The following IMMP2L variants were observed in gnomAD, a reference collection of about 807,000 sequenced individuals.
The protein encoded by IMMP2L is inner mitochondrial membrane peptidase subunit 2, also known as mitochondrial inner membrane protease subunit 2.
A neutral mutation model predicts 19.3 loss-of-function variants in IMMP2L; 18 were observed. The observed-to-expected ratio is 0.93, with a 90% CI of 0.64 to 1.38. IMMP2L has a LOEUF of 1.38. Ranked by LOEUF, IMMP2L falls within the 40% of genes most tolerant of loss-of-function variation. IMMP2L has a pLI of 0.00. For synonymous variants in IMMP2L, 76 were observed against 73.0 expected (o/e 1.04, Z -0.21); for missense variants, 233 against 218.2 (o/e 1.07, Z -0.43).
At chr7:111,062,325 A>C (rs879378786) in intron 3 of IMMP2L, among the ~76,000 whole-genome samples, 3 of 152,170 alleles carry the variant, frequency 2.0e-5, no homozygotes, top group Admixed American at 1.3e-4. Flanking sequence ...AGTCTCATTC[A>C]TTATCATGAG....
At chr7:110,945,200 C>T (rs1436867982) in intron 4 of IMMP2L, among the ~76,000 whole-genome samples, 1 of 151,896 alleles carries the variant, frequency 6.6e-6, no homozygotes, top group Non-Finnish European at 1.5e-5. Context: ...GGGGCCGCAT[C>T]TGCAGGGCTC....
At chr7:111,032,287 T>C (rs180932540) in intron 3 of IMMP2L, among the ~76,000 whole-genome samples, 360 of 152,144 alleles carry the variant, frequency 2.4e-3, no homozygotes, top group Middle Eastern at 6.8e-3. Flanking sequence ...ATCAATAGAA[T>C]AGAATGGAGA....
At chr7:111,314,854 TA>T (rs2130360792) in intron 3 of IMMP2L, among the ~76,000 whole-genome samples, 1 of 152,240 alleles carries the variant, frequency 6.6e-6, no homozygotes, top group African/African-American at 2.4e-5. Flanking sequence ...ATTGCAAGGG[TA>T]GTAAAAATGT....
At chr7:111,320,908 C>A (rs977150026) in intron 3 of IMMP2L, among the ~76,000 whole-genome samples, 1 of 151,962 alleles carries the variant, frequency 6.6e-6, no homozygotes, top group African/African-American at 2.4e-5. Flanking sequence ...GCAACTTATT[C>A]ATATTTGTAT....
intron 3 of IMMP2L, among the ~76,000 whole-genome samples, chr7:111,212,792 A>G (rs1811470934): frequency 6.6e-6 from 1 of 152,218 alleles, no homozygotes; most frequent in Non-Finnish European, 1.5e-5. Context: ...GTAAAGGATA[A>G]TAACATGTTA....
intron 3 of IMMP2L, among the ~76,000 whole-genome samples, chr7:111,379,752 T>C (rs1831020902): frequency 6.6e-6 from 1 of 151,950 alleles, no homozygotes; most frequent in Non-Finnish European, 1.5e-5. Flanking sequence ...TGTAACTGCC[T>C]ACTATTTGCT....
intron 3 of IMMP2L, among the ~76,000 whole-genome samples, chr7:110,978,941 T>G (rs910187712): frequency 6.6e-6 from 1 of 152,050 alleles, no homozygotes; most frequent in African/African-American, 2.4e-5. Flanking sequence ...TTTAAAACAT[T>G]AGAAACATAT....
intron 5 of IMMP2L, among the ~76,000 whole-genome samples, chr7:110,843,511 C>A (rs955359499): frequency 4.6e-5 from 7 of 152,036 alleles, no homozygotes; most frequent in African/African-American, 1.7e-4. Flanking sequence ...TTGGATAAAG[C>A]TTGTCACTTA....
intron 3 of IMMP2L, among the ~76,000 whole-genome samples, chr7:111,350,248 G>A (rs1190163576): frequency 6.6e-6 from 1 of 151,864 alleles, no homozygotes; most frequent in Non-Finnish European, 1.5e-5. Flanking sequence ...TTATAGGCGT[G>A]AGCCACCACA....
intron 3 of IMMP2L, among the ~76,000 whole-genome samples, chr7:111,273,661 G>A (rs1037168428): frequency 2.0e-5 from 3 of 152,044 alleles, no homozygotes; most frequent in Non-Finnish European, 4.4e-5. Context: ...AACACTTCCC[G>A]AGGGAGCAAG....
At chr7:111,200,397 T>G (rs1041374307) in intron 3 of IMMP2L, among the ~76,000 whole-genome samples, 10 of 152,244 alleles carry the variant, frequency 6.6e-5, no homozygotes, top group African/African-American at 2.4e-4. Context: ...TATAAAATTT[T>G]CAAACATATT....
chr7:110,890,883 T>C (rs975406073), intron 4 of IMMP2L, among the ~76,000 whole-genome samples: 1 of 152,128 alleles, frequency 6.6e-6, no homozygotes. Context: ...ATCTTTTGAG[T>C]GTCATCGGGT....
At chr7:111,284,850 G>A (rs932505281) in intron 3 of IMMP2L, among the ~76,000 whole-genome samples, 8 of 152,232 alleles carry the variant, frequency 5.3e-5, no homozygotes, top group African/African-American at 1.4e-4. Context: ...GCAAATACAG[G>A]AAAACACACT....
intron 1 of IMMP2L, among the ~76,000 whole-genome samples, chr7:111,524,268 A>C (rs150701344): frequency 0.011 from 1,611 of 152,158 alleles, 34 homozygotes; most frequent in African/African-American, 0.036. Context: ...TAAATAAATA[A>C]ATAAATCCAA....
At chr7:111,159,873 C>CT (rs1163046763) in intron 3 of IMMP2L, among the ~76,000 whole-genome samples, 3 of 151,992 alleles carry the variant, frequency 2.0e-5, no homozygotes, top group East Asian at 1.9e-4. Context: ...ATCTTACATT[C>CT]TTTTTTTTAT....
Position 110,877,999 on chromosome 7 carries a change from G to A in IMMP2L, c.408+8594C>T, listed in dbSNP as rs1462075040. On this transcript the variant is annotated intron_variant, in intron 5 of 5. Coordinates refer to ENST00000405709, the MANE Select transcript of IMMP2L (RefSeq NM_032549.4). The surrounding 1 kb of genome is among the most constrained non-coding windows in gnomAD (Gnocchi z 4.0). Reference sequence around the variant, plus strand: ...CACAGGCAGGATTTCAGCCATCTAAGCACTTAGCTTAGAAGTGCCTAGAAG... The same window carrying A: ...CACAGGCAGGATTTCAGCCATCTAAACACTTAGCTTAGAAGTGCCTAGAAG... Among the ~76,000 whole-genome samples, 9 of 152,114 alleles carry A rather than the reference G, an allele frequency of 5.9e-5. No homozygotes were observed. The highest frequency in any genetic ancestry group is 4.4e-5 in the Non-Finnish European group (3 of 68,024).
Position 111,521,427 on chromosome 7 carries a change from C to T in IMMP2L, c.21G>A (p.Trp7Ter). 1 of 1,612,244 alleles carries T rather than the reference C, an allele frequency of 6.2e-7. No homozygotes were observed. The highest frequency in any genetic ancestry group is 8.5e-7 in the Non-Finnish European group (1 of 1,178,958). MAQSQG[W>*]VKRYIKAFCK... ...AAAAGGCCTTGATGTATCTTTTCAC[C>T]CACCCTTGTGACTGTGCCATACCTA... The change falls in exon 2 of 6, where the codon TGG becomes TGA. Residue 7 changes from tryptophan (W) to a stop codon, truncating the protein, a stop_gained. Coordinates refer to ENST00000405709, the MANE Select transcript of IMMP2L (RefSeq NM_032549.4). LOFTEE classifies it high-confidence loss of function.
chr7:111,111,915 T>C (rs1298047465), intron 3 of IMMP2L, among the ~76,000 whole-genome samples: 7 of 146,546 alleles, frequency 4.8e-5, no homozygotes, highest in Non-Finnish European at 1.0e-4. Context: ...TATTTATATA[T>C]TTTATTTATA....
chr7:111,229,651 A>G (rs1481966294), intron 3 of IMMP2L, among the ~76,000 whole-genome samples: 3 of 151,956 alleles, frequency 2.0e-5, no homozygotes, highest in Non-Finnish European at 2.9e-5. Context: ...ACAATGGATA[A>G]AATTAGATTT....
Sources: gnomAD v4.1 joint callset for allele counts (sites outside exome capture counted in the v4.1 genomes callset) on GRCh38, gnomAD v4.1.1 for gene constraint, Gnocchi (gnomAD v3.1) non-coding constraint, MANE v1.5 for transcripts, NCBI Gene and HGNC (gene_info 2026-07-23, HGNC 2026-07-21) for gene names.